Variants in MORC1 observed in about 807,000 individuals in gnomAD.
MORC1 encodes MORC family CW-type zinc finger 1, also known as MORC family CW-type zinc finger protein 1.
In MORC1, 59 loss-of-function variants were observed where a neutral mutation model predicts 134.9. The ratio of observed to expected loss-of-function variants is 0.44; its 90% CI spans 0.35 to 0.54. MORC1 has a LOEUF of 0.54. MORC1 is among the 20% of genes least tolerant of loss of function. The pLI, the probability that MORC1 is intolerant of heterozygous loss-of-function variation, is 0.00. For missense variants in MORC1, 947 were observed against 1,134.5 expected, an observed-to-expected ratio of 0.83 and a Z score of 2.37; for synonymous variants, 395 against 391.7, an observed-to-expected ratio of 1.01 and a Z score of -0.10.
Position 109,035,290 on chromosome 3 carries a change from T to C in MORC1, c.1459+50A>G, listed in dbSNP as rs1466511815. On this transcript the variant is annotated intron_variant, in intron 15 of 27. Transcript: ENST00000232603. ...TCATTTCTTAACACAATGACTTGCA[T>C]ATTTAAGAGCCCTTAACATTTGGTA... The C allele has an allele frequency of 2.7e-6, 4 of 1,501,924 alleles. No homozygotes were observed. In the South Asian group the frequency reaches 3.8e-5, roughly 14 times the overall value. 93.0% of individuals were successfully genotyped at this position (1,501,924 alleles called of 1,614,324 possible).
chr3:109,074,884 T>C (rs1335620790), intron 8 of MORC1, among the ~76,000 whole-genome samples: 1 of 152,190 alleles, frequency 6.6e-6, no homozygotes, highest in African/African-American at 2.4e-5. Flanking sequence ...TTAAACAGCT[T>C]CCATATGAAG....
intron 26 of MORC1, among the ~76,000 whole-genome samples, chr3:108,967,805 T>C (rs947763029): frequency 2.0e-5 from 3 of 151,932 alleles, no homozygotes; most frequent in African/African-American, 4.8e-5. Context: ...CTGGGCAATG[T>C]AGCAAGATCC....
intron 24 of MORC1, among the ~76,000 whole-genome samples, chr3:108,973,979 G>GA (rs1465078108): frequency 6.6e-6 from 1 of 152,036 alleles, no homozygotes; most frequent in Non-Finnish European, 1.5e-5. Flanking sequence ...AATCTTTATG[G>GA]AAACTCTTTG....
chr3:108,963,467 T>C lies in MORC1; in HGVS notation c.2746A>G (p.Lys916Glu), dbSNP rs888572642. 12 of 1,612,242 alleles carry C rather than the reference T, an allele frequency of 7.4e-6. No homozygotes were observed. Among genetic ancestry groups the C allele is most frequent in the Middle Eastern group, 1.7e-4 (1 of 6,056 alleles). The change falls in exon 27 of 28, where the codon AAG becomes GAG. Residue 916 changes from lysine (K) to glutamate (E), a missense_variant. Lys to Glu is a moderately conservative substitution (Grantham distance 56). Transcript: ENST00000232603. Reference sequence around the variant, plus strand: ...AGTTTTATACGAAGATTCTTCAGCTTATCCTCAGAGATTTTTCTTTTATTT... The same window carrying C: ...AGTTTTATACGAAGATTCTTCAGCTCATCCTCAGAGATTTTTCTTTTATTT... ...CENKRKISEDKLKNLRIKLAL... is the reference protein window; with the variant it reads ...CENKRKISEDELKNLRIKLAL...
At chr3:109,027,660 T>C in intron 17 of MORC1, 91 bp downstream of exon 17, 1 of 1,485,744 alleles carries the variant, frequency 6.7e-7, no homozygotes, top group East Asian at 2.3e-5. Context: ...ATACACATTT[T>C]ATTGTGTAAA....
At chr3:108,966,221 A>G (rs71321281) in intron 26 of MORC1, among the ~76,000 whole-genome samples, 5,470 of 152,314 alleles carry the variant, frequency 0.036, 195 homozygotes, top group Middle Eastern at 0.12. Flanking sequence ...TCCGAACTAC[A>G]TTAATTCAGA....
intron 14 of MORC1, among the ~76,000 whole-genome samples, chr3:109,043,512 T>C (rs1949610750): frequency 1.3e-5 from 2 of 152,064 alleles, no homozygotes; most frequent in African/African-American, 4.8e-5. Context: ...AGCATTTAAA[T>C]GTCCTTAACA....
At chr3:109,072,022 CTGTT>C (rs369122991) in intron 8 of MORC1, among the ~76,000 whole-genome samples, 196 of 152,216 alleles carry the variant, frequency 1.3e-3, no homozygotes, top group African/African-American at 4.5e-3. Context: ...TTAGAAGTTC[CTGTT>C]TATTTGTGAC....
At chr3:108,981,159 G>C (rs1559869210) in intron 23 of MORC1, among the ~76,000 whole-genome samples, 1 of 152,164 alleles carries the variant, frequency 6.6e-6, no homozygotes, top group Non-Finnish European at 1.5e-5. Flanking sequence ...GGGAGGGCAG[G>C]TAGAGGTCAG....
At chr3:108,996,286 G>GCGCGCGCGCACACA in intron 21 of MORC1, among the ~76,000 whole-genome samples, 2 of 146,382 alleles carry the variant, frequency 1.4e-5, no homozygotes, top group African/African-American at 2.6e-5. Context: ...GCGCGCGCGC[G>GCGCGCGCGCACACA]CACACACACA....
At chr3:109,082,318 CAA>C (rs1324873079) in intron 8 of MORC1, among the ~76,000 whole-genome samples, 4 of 148,780 alleles carry the variant, frequency 2.7e-5, no homozygotes, top group Non-Finnish European at 5.9e-5. Flanking sequence ...GAAAACAAAA[CAA>C]AACAAAAACC....
intron 8 of MORC1, among the ~76,000 whole-genome samples, chr3:109,076,520 G>T (rs1240646438): frequency 6.6e-6 from 1 of 152,044 alleles, no homozygotes; most frequent in Non-Finnish European, 1.5e-5. Context: ...ATAAAGACAC[G>T]TGCACACGTA....
chr3:108,963,081 G>A (rs148322980), intron 27 of MORC1, among the ~76,000 whole-genome samples: 219 of 151,858 alleles, frequency 1.4e-3, no homozygotes, highest in African/African-American at 4.4e-3. Flanking sequence ...CCAGCTACTC[G>A]GAAGGCTGAG....
intron 10 of MORC1, 43 bp from the exon 11 acceptor site, chr3:109,062,101 T>G: frequency 6.4e-7 from 1 of 1,572,664 alleles, no homozygotes; most frequent in African/African-American, 1.3e-5. Context: ...CAAAATTATT[T>G]CAAGCAATTT....
intron 14 of MORC1, among the ~76,000 whole-genome samples, chr3:109,043,181 CAAAATGTGGGG>C (rs1559915002): frequency 1.7e-4 from 4 of 24,014 alleles, no homozygotes; most frequent in African/African-American, 3.3e-4. Flanking sequence ...CAAAATGTGG[CAAAATGTGGGG>C]GGGGGGGGGT....
At chr3:108,998,108 CT>C (rs1172369543) in intron 21 of MORC1, among the ~76,000 whole-genome samples, 1 of 152,160 alleles carries the variant, frequency 6.6e-6, no homozygotes, top group African/African-American at 2.4e-5. Flanking sequence ...GCTGTCTTAG[CT>C]GGACGCCTTT....
At position 109,000,421 on chromosome 3, in the gene MORC1, T is replaced by G. The variant is rs112327063; in HGVS notation, c.2187+136A>C. The G allele has an allele frequency of 4.9e-3, 3,065 of 630,894 alleles. 17 individuals are homozygous for G. Among genetic ancestry groups the G allele is most frequent in the African/African-American group, 0.015 (785 of 53,894 alleles). The allele number at this position is 630,894 out of a possible 1,614,324, so 39.1% of individuals were successfully genotyped here. On this transcript the variant is annotated intron_variant, in intron 21 of 27. Transcript: ENST00000232603. ...GCCTTGAGCAAGTAACTTAAACTTTTCTGAGTCTTATTTCTTCATCTCAAA... is the reference window on the plus strand; with the variant it reads ...GCCTTGAGCAAGTAACTTAAACTTTGCTGAGTCTTATTTCTTCATCTCAAA...
chr3:108,989,438 T>G (rs1198668606), intron 21 of MORC1, among the ~76,000 whole-genome samples: 1 of 152,182 alleles, frequency 6.6e-6, no homozygotes, highest in Non-Finnish European at 1.5e-5. Flanking sequence ...TTGTCAGTTC[T>G]CCAAGGGATG....
intron 23 of MORC1, among the ~76,000 whole-genome samples, chr3:108,982,584 G>GGA (rs67145040): frequency 9.3e-5 from 5 of 53,644 alleles, no homozygotes; most frequent in African/African-American, 4.8e-4. Flanking sequence ...GTCGTGGGAT[G>GGA]GGGGGGGCAG....
Sources: gnomAD v4.1 joint callset for allele counts (sites outside exome capture counted in the v4.1 genomes callset) on GRCh38, gnomAD v4.1.1 for gene constraint, MANE v1.5 for transcripts, NCBI Gene and HGNC (gene_info 2026-07-23, HGNC 2026-07-21) for gene names.